Variants in NCOA7 observed in about 807,000 individuals in gnomAD.
NCOA7 encodes the protein 140 kDa estrogen receptor-associated protein.
Under a neutral mutation model 104.3 loss-of-function variants are expected in NCOA7, and 45 were observed. That is an observed-to-expected ratio of 0.43 (90% CI 0.34 to 0.55). NCOA7 has a LOEUF of 0.55. Among genes scored for constraint, NCOA7 ranks in the 20% least tolerant of loss-of-function variants. The pLI, the probability that NCOA7 is intolerant of heterozygous loss-of-function variation, is 0.02. For synonymous variants in NCOA7, 398 were observed against 402.3 expected (o/e 0.99, Z 0.13); for missense variants, 1,041 against 1,119.7 (o/e 0.93, Z 1.00).
intron 8 of NCOA7, 52 bp downstream of exon 8, chr6:125,885,395 T>G: frequency 6.3e-7 from 1 of 1,576,000 alleles, no homozygotes; most frequent in Non-Finnish European, 8.7e-7. Context: ...GAGAGCTAAA[T>G]GTAGCTTAAA....
chr6:125,908,423 G>C (rs1386277061), intron 10 of NCOA7, among the ~76,000 whole-genome samples: 1 of 152,110 alleles, frequency 6.6e-6, no homozygotes. Context: ...GGCAAGACCC[G>C]ACCACTTCTC....
chr6:125,909,971 T>A (rs1283645457), intron 10 of NCOA7, among the ~76,000 whole-genome samples: 1 of 152,164 alleles, frequency 6.6e-6, no homozygotes, highest in African/African-American at 2.4e-5. Flanking sequence ...GAAGGAAGAC[T>A]GGAGAGACTA....
intron 1 of NCOA7, among the ~76,000 whole-genome samples, chr6:125,805,005 A>G (rs1378271671): frequency 6.6e-6 from 1 of 151,820 alleles, no homozygotes; most frequent in Non-Finnish European, 1.5e-5. Flanking sequence ...TTTAGTATGA[A>G]TAGTAATGGC....
intron 10 of NCOA7, among the ~76,000 whole-genome samples, chr6:125,912,191 C>A (rs1021868906): frequency 2.0e-5 from 3 of 152,160 alleles, no homozygotes; most frequent in Admixed American, 6.5e-5. Flanking sequence ...GGCACCCACA[C>A]AGGCACCTGA....
At chr6:125,795,517 C>T (rs1775236872) in intron 1 of NCOA7, among the ~76,000 whole-genome samples, 1 of 152,114 alleles carries the variant, frequency 6.6e-6, no homozygotes, top group Admixed American at 6.6e-5. Context: ...CAAATATGAA[C>T]ATGGAAGCTG....
At chr6:125,800,300 C>T (rs930136006) in intron 1 of NCOA7, among the ~76,000 whole-genome samples, 1 of 152,112 alleles carries the variant, frequency 6.6e-6, no homozygotes, top group Non-Finnish European at 1.5e-5. Flanking sequence ...CTGGTGGTTT[C>T]TAAAGTGAAG....
chr6:125,812,293 C>G (rs1265346283), intron 1 of NCOA7, among the ~76,000 whole-genome samples: 1 of 152,282 alleles, frequency 6.6e-6, no homozygotes, highest in Non-Finnish European at 1.5e-5. Flanking sequence ...ATCCTAACCA[C>G]TCTGAAAGGT....
Position 125,915,422 on chromosome 6 carries a change from A to C in NCOA7, c.2186A>C (p.Lys729Thr), listed in dbSNP as rs1291295161. The change falls in exon 11 of 16, where the codon AAG becomes ACG. Residue 729 changes from lysine (K) to threonine (T), a missense_variant. Around this residue, in one of 2 missense-constraint regions of NCOA7, gnomAD observed 914 missense variants for 942.7 expected, o/e 0.97. Transcript: ENST00000392477. ...GAGCAAGGCTTTGTGGTGGTGGAGA[A>C]GGAAGAACTGAACATGATTGACAAC... ...AKEQGFVVVE[K>T]EELNMIDNFF... 1.9e-6 allele frequency: 3 copies of C among 1,613,930 alleles called. No homozygotes were observed. Among genetic ancestry groups the C allele is most frequent in the Non-Finnish European group, 2.5e-6 (3 of 1,179,856 alleles).
chr6:125,813,397 G>T (rs144071059), intron 1 of NCOA7, among the ~76,000 whole-genome samples: 41 of 151,666 alleles, frequency 2.7e-4, no homozygotes, highest in African/African-American at 9.9e-4. Context: ...TTGTCTTCTT[G>T]CTTTTGTTCA....
intron 10 of NCOA7, among the ~76,000 whole-genome samples, chr6:125,914,073 G>T (rs750136951): frequency 1.3e-5 from 2 of 152,216 alleles, no homozygotes; most frequent in Non-Finnish European, 2.9e-5. Flanking sequence ...ATAAAATCAT[G>T]CCCCTTGGCC....
At chr6:125,821,056 C>T (rs760343515) in intron 2 of NCOA7, among the ~76,000 whole-genome samples, 6 of 152,200 alleles carry the variant, frequency 3.9e-5, no homozygotes, top group South Asian at 2.1e-4. Context: ...TCATGTCAAG[C>T]GGCGTGCCAG....
At chr6:125,873,812 T>C (rs536511357) in intron 3 of NCOA7, among the ~76,000 whole-genome samples, 1 of 152,368 alleles carries the variant, frequency 6.6e-6, no homozygotes, top group African/African-American at 2.4e-5. Flanking sequence ...AGGTATAAAA[T>C]GATACATTGT....
chr6:125,784,987 AACACACACACACACACAC>A lies in NCOA7; in HGVS notation c.-141-1134_-141-1117del, dbSNP rs3084325. Among the ~76,000 whole-genome samples the A allele has an allele frequency of 3.4e-5, 5 of 148,410 alleles. No homozygotes were observed. The East Asian group carries it at 5.9e-4, about 18-fold the overall frequency. On this transcript the variant is annotated intron_variant, in intron 1 of 16. Transcript: ENST00000368357. ...ACAAGATATGATAATGTTGCATATA[AACACACACACACACACAC>A]ACACACACACACACAAACATGCATG... is the stretch of plus-strand genomic sequence containing the variant.
At chr6:125,875,714 CATT>C (rs1358570777) in intron 4 of NCOA7, among the ~76,000 whole-genome samples, 3 of 152,204 alleles carry the variant, frequency 2.0e-5, no homozygotes, top group African/African-American at 7.2e-5. Context: ...CTCAGTTTAA[CATT>C]ATTAATTCAT....
In NCOA7 at chr6:125,920,860, G is replaced by GCA. The variant is rs1347774768; in HGVS notation, c.2245-83_2245-82insCA. ...CCGAAGCGTCACCTTTTCAAGCACGGGTGTCCCTAGAGTGATTTTTTAAAT... is the reference window on the plus strand; with the variant it reads ...CCGAAGCGTCACCTTTTCAAGCACGGCAGTGTCCCTAGAGTGATTTTTTAAAT... On this transcript the variant is annotated intron_variant, in intron 11 of 15. Transcript: ENST00000392477. 901 of 1,523,490 alleles carry GCA rather than the reference G, an allele frequency of 5.9e-4. 21 individuals are homozygous for GCA. The East Asian group carries it at 0.021, about 35-fold the overall frequency. The allele number at this position is 1,523,490 out of a possible 1,614,324, so 94.4% of individuals were successfully genotyped here.
At chr6:125,843,954 G>T (rs1393429975) in intron 2 of NCOA7, among the ~76,000 whole-genome samples, 1 of 152,164 alleles carries the variant, frequency 6.6e-6, no homozygotes, top group East Asian at 1.9e-4. Context: ...TTTGATCCTG[G>T]TACTGGGGGA....
At chr6:125,797,299 A>G (rs1775430095) in intron 1 of NCOA7, among the ~76,000 whole-genome samples, 1 of 152,220 alleles carries the variant, frequency 6.6e-6, no homozygotes. Context: ...TTTAATTCCA[A>G]CCCAAGTAAT....
chr6:125,801,062 C>T (rs1211924799), intron 1 of NCOA7, among the ~76,000 whole-genome samples: 1 of 152,088 alleles, frequency 6.6e-6, no homozygotes, highest in African/African-American at 2.4e-5. Context: ...AAGAAAATGA[C>T]ACAAGGTAGC....
upstream of NCOA7, among the ~76,000 whole-genome samples, chr6:125,789,171 G>T (rs2128540441): frequency 6.6e-6 from 1 of 152,248 alleles, no homozygotes; most frequent in Admixed American, 6.5e-5. Flanking sequence ...TTCTAAGTTT[G>T]GGAAAATATC....
Sources: gnomAD v4.1 joint callset for allele counts (sites outside exome capture counted in the v4.1 genomes callset) on GRCh38, gnomAD v4.1.1 for gene constraint, gnomAD v4.1.1 regional missense constraint, MANE v1.5 for transcripts, NCBI Gene and HGNC (gene_info 2026-07-23, HGNC 2026-07-21) for gene names.